The following KLF8 variants were observed in gnomAD, a reference collection of about 807,000 sequenced individuals.
The protein encoded by KLF8 is KLF transcription factor 8.
A neutral mutation model predicts 18.2 loss-of-function variants in KLF8; 10 were observed. The ratio of observed to expected loss-of-function variants is 0.55; its 90% CI spans 0.34 to 0.93. KLF8 has a LOEUF of 0.93. Ranked by LOEUF, KLF8 falls within the 40% of genes least tolerant of loss-of-function variation. KLF8 has a pLI of 0.02. For missense variants in KLF8, 264 were observed against 277.9 expected (o/e 0.95, Z 0.36); for synonymous variants, 109 against 97.3 (o/e 1.12, Z -0.71).
the KLF8 span, among the ~76,000 whole-genome samples, chrX:56,119,005 G>T: frequency 9.1e-6 from 1 of 109,904 alleles, no homozygotes; most frequent in Non-Finnish European, 1.9e-5. Flanking sequence ...TAGATAGAGA[G>T]AATGTTGTAT....
chrX:56,079,525 G>A, the KLF8 span, among the ~76,000 whole-genome samples: 2 of 111,696 alleles, frequency 1.8e-5, no homozygotes, highest in South Asian at 3.7e-4. Context: ...TATAATTTCT[G>A]TTCTTTTACA....
chrX:56,177,728 C>T, the KLF8 span, among the ~76,000 whole-genome samples: 2 of 111,627 alleles, frequency 1.8e-5, no homozygotes, highest in Non-Finnish European at 3.8e-5. Context: ...GGCAGGCCTC[C>T]TTGAGCTGAG....
At chrX:56,231,489 G>T (rs886643094), upstream of KLF8, among the ~76,000 whole-genome samples, 2 of 111,717 alleles carry the variant, frequency 1.8e-5, no homozygotes, top group African/African-American at 6.5e-5. Context: ...ATTAGGTGCT[G>T]AATACATGGC....
the KLF8 span, among the ~76,000 whole-genome samples, chrX:55,936,838 C>T: frequency 1.7e-4 from 14 of 84,282 alleles, no homozygotes; most frequent in Admixed American, 2.5e-4. Context: ...GAGGGGCGCC[C>T]GCCATTGCCG....
chrX:56,084,821 G>A, the KLF8 span, among the ~76,000 whole-genome samples: 2 of 112,035 alleles, frequency 1.8e-5, no homozygotes, highest in Non-Finnish European at 3.8e-5. Context: ...AGGAAAAAAA[G>A]TGTTTAACAC....
the KLF8 span, among the ~76,000 whole-genome samples, chrX:56,036,787 T>A: frequency 8.9e-6 from 1 of 112,008 alleles, no homozygotes; most frequent in African/African-American, 3.2e-5. Context: ...TCTTTAACAA[T>A]AATAAATTTT....
At chrX:56,006,903 G>A in the KLF8 span, among the ~76,000 whole-genome samples, 11 of 111,870 alleles carry the variant, frequency 9.8e-5, no homozygotes, top group African/African-American at 2.9e-4. Context: ...CCAGGCCCCC[G>A]GATAGCAGAT....
chrX:55,952,541 G>T, the KLF8 span, among the ~76,000 whole-genome samples: 4 of 112,072 alleles, frequency 3.6e-5, no homozygotes, highest in South Asian at 1.5e-3. Context: ...CCTCTCTGTT[G>T]TCACATCTTC....
At chrX:56,229,821 A>G (rs2066389195), upstream of KLF8, among the ~76,000 whole-genome samples, 1 of 111,680 alleles carries the variant, frequency 9.0e-6, no homozygotes, top group South Asian at 3.8e-4. Context: ...CCGCCCCCCA[A>G]CACCTAGCAT....
chrX:56,197,303 A>C, the KLF8 span, among the ~76,000 whole-genome samples: 2 of 111,347 alleles, frequency 1.8e-5, no homozygotes, highest in African/African-American at 6.5e-5. Context: ...TGAATCCAGG[A>C]GCTGGTTTTT....
rs2066959513 is a variant in KLF8, at chrX:56,265,534, A to T, written c.436A>T (p.Thr146Ser). The T allele has an allele frequency of 8.3e-7, 1 of 1,209,586 alleles. No individual in the cohort carries two copies. The highest frequency in any genetic ancestry group is 1.7e-5 in the African/African-American group (1 of 57,177). ...PTVLTPGSVLTSSQSTGSQQI... is the reference protein window; with the variant it reads ...PTVLTPGSVLSSSQSTGSQQI... ...TGTTCTGACCCCAGGCTCTGTCCTG[A>T]CCTCCTCTCAGAGCACTGGTAGCCA... Residue 146 changes from threonine to serine, a missense_variant, in exon 3 of 6, where the codon ACC (threonine) becomes TCC (serine). Transcript: ENST00000468660.
At chrX:56,283,214 T>C (rs770401295) in intron 5 of KLF8, among the ~76,000 whole-genome samples, 3 of 111,518 alleles carry the variant, frequency 2.7e-5, no homozygotes, top group East Asian at 5.6e-4. Flanking sequence ...CCAAAGATTC[T>C]GGGCATGGAG....
the KLF8 span, among the ~76,000 whole-genome samples, chrX:56,221,842 G>A: frequency 9.0e-6 from 1 of 111,667 alleles, no homozygotes; most frequent in African/African-American, 3.3e-5. Flanking sequence ...GGGGACCGGA[G>A]GGGGTTGCCA....
the KLF8 span, among the ~76,000 whole-genome samples, chrX:56,002,409 TTGTGTGTATGTGTGTG>T: frequency 1.1e-3 from 75 of 69,170 alleles, no homozygotes; most frequent in Non-Finnish European, 1.3e-3. Context: ...ATTAATCAAT[TTGTGTGTATGTGTGTG>T]TGTGTGTGTG....
the KLF8 span, among the ~76,000 whole-genome samples, chrX:56,078,398 A>T: frequency 8.9e-6 from 1 of 112,233 alleles, no homozygotes; most frequent in Non-Finnish European, 1.9e-5. Context: ...TATTGAGATA[A>T]TCATGTGGTT....
At chrX:56,186,828 T>C in the KLF8 span, among the ~76,000 whole-genome samples, 1 of 111,686 alleles carries the variant, frequency 9.0e-6, no homozygotes, top group Non-Finnish European at 1.9e-5. Flanking sequence ...TTGAAGCCAA[T>C]GAGAACAAAG....
chrX:56,189,005 C>G, the KLF8 span, among the ~76,000 whole-genome samples: 1 of 111,318 alleles, frequency 9.0e-6, no homozygotes, highest in African/African-American at 3.3e-5. Context: ...GCAACAAAAG[C>G]AAAAATTGAC....
At chrX:55,998,091 A>C in the KLF8 span, among the ~76,000 whole-genome samples, 4 of 112,614 alleles carry the variant, frequency 3.6e-5, no homozygotes, top group Non-Finnish European at 7.5e-5. Flanking sequence ...TTAGATATGC[A>C]TAAACATAAA....
intron 2 of KLF8, among the ~76,000 whole-genome samples, chrX:56,255,199 ATTTC>A (rs1416783801): frequency 8.9e-6 from 1 of 111,835 alleles, no homozygotes; most frequent in African/African-American, 3.2e-5. Flanking sequence ...TTACTTTTTT[ATTTC>A]TTTTTCAGAT....
Sources: allele counts gnomAD v4.1 joint callset (sites outside exome capture counted in the v4.1 genomes callset), GRCh38; gene constraint gnomAD v4.1.1; transcripts MANE v1.5; gene names NCBI Gene and HGNC (gene_info 2026-07-23, HGNC 2026-07-21).